BABAM2: variants seen among roughly 807,000 people sequenced by gnomAD.
BABAM2 encodes BRISC and BRCA1 A complex member 2.
In BABAM2, 31 loss-of-function variants were observed where a neutral mutation model predicts 54.7. The ratio of observed to expected loss-of-function variants is 0.57; its 90% CI spans 0.43 to 0.77. The LOEUF is 0.77. BABAM2 is among the 30% of genes least tolerant of loss of function. The pLI, the probability that BABAM2 is intolerant of heterozygous loss-of-function variation, is 0.00. For missense variants in BABAM2, 364 were observed against 455.8 expected (o/e 0.80, Z 1.83); for synonymous variants, 167 against 162.9 (o/e 1.03, Z -0.19).
At chr2:28,016,545 G>A (rs1342569105) in intron 4 of BABAM2, 5 of 652,326 alleles carry the variant, frequency 7.7e-6, no homozygotes, top group Admixed American at 2.3e-5. Flanking sequence ...TGGCCGAAGC[G>A]GGCCCGCCGC....
At chr2:28,122,305 T>G (rs1669144542) in intron 6 of BABAM2, among the ~76,000 whole-genome samples, 1 of 152,048 alleles carries the variant, frequency 6.6e-6, no homozygotes, top group Non-Finnish European at 1.5e-5. Context: ...CTTAATACCA[T>G]TTTAAAATGG....
rs1683684395 is a variant in BABAM2, at chr2:28,253,455, T to C, written c.934+8593T>C. Among the ~76,000 whole-genome samples, 3 of 151,894 alleles carry C rather than the reference T, an allele frequency of 2.0e-5. No homozygotes were observed. The South Asian group carries it at 6.2e-4, about 32-fold the overall frequency. On this transcript the variant is annotated intron_variant, in intron 10 of 11. Coordinates refer to ENST00000379624, the MANE Select transcript of BABAM2 (RefSeq NM_199191.3). ...ACCATGCTCTAGACACTGTTCTCAG[T>C]ACTTTGCATATGTTATGTTATTTAA...
At chr2:27,950,086 G>T (rs1573242710) in intron 3 of BABAM2, among the ~76,000 whole-genome samples, 1 of 152,094 alleles carries the variant, frequency 6.6e-6, no homozygotes, top group African/African-American at 2.4e-5. Context: ...AGCAGGAGAC[G>T]GATGTTTTTC....
chr2:28,151,780 A>G (rs923894555), intron 7 of BABAM2, among the ~76,000 whole-genome samples: 10 of 152,210 alleles, frequency 6.6e-5, no homozygotes, highest in African/African-American at 1.9e-4. Flanking sequence ...TTTGCTACCT[A>G]TCTACCTCTG....
At chr2:28,062,575 CAAA>C (rs200543877) in intron 6 of BABAM2, among the ~76,000 whole-genome samples, 7 of 135,012 alleles carry the variant, frequency 5.2e-5, no homozygotes, top group African/African-American at 1.9e-4. Flanking sequence ...AAAAAAAAAC[CAAA>C]AAAAAAAAAA....
At chr2:28,176,863 A>C (rs895010285) in intron 7 of BABAM2, among the ~76,000 whole-genome samples, 18 of 150,740 alleles carry the variant, frequency 1.2e-4, no homozygotes, top group Non-Finnish European at 2.7e-4. Context: ...AAAAAGAAGA[A>C]GGAGAAGAAA....
At chr2:28,021,667 T>G (rs1675279093) in intron 4 of BABAM2, among the ~76,000 whole-genome samples, 1 of 152,194 alleles carries the variant, frequency 6.6e-6, no homozygotes, top group Non-Finnish European at 1.5e-5. Flanking sequence ...AATTTTGTAG[T>G]AAGAAGTTTT....
intron 6 of BABAM2, among the ~76,000 whole-genome samples, chr2:28,080,238 A>G (rs957753996): frequency 2.0e-5 from 3 of 152,202 alleles, no homozygotes; most frequent in Non-Finnish European, 4.4e-5. Flanking sequence ...CTTTAATTTC[A>G]AAAGTGAACT....
chr2:28,161,756 T>C (rs2147814176), intron 7 of BABAM2, among the ~76,000 whole-genome samples: 1 of 152,286 alleles, frequency 6.6e-6, no homozygotes, highest in South Asian at 2.1e-4. Flanking sequence ...CAAAAAGTCT[T>C]GCACAGCAGT....
intron 5 of BABAM2, among the ~76,000 whole-genome samples, chr2:28,042,987 G>A (rs531702857): frequency 6.6e-6 from 1 of 151,814 alleles, no homozygotes; most frequent in East Asian, 2.0e-4. Context: ...TCGCGCCACT[G>A]CACTCCAGCC....
At chr2:28,265,345 T>A (rs1684889779) in intron 10 of BABAM2, among the ~76,000 whole-genome samples, 1 of 152,164 alleles carries the variant, frequency 6.6e-6, no homozygotes, top group African/African-American at 2.4e-5. Context: ...GAGAATCACT[T>A]GAACACGGGA....
At chr2:27,926,001 T>A (rs968064552) in intron 2 of BABAM2, among the ~76,000 whole-genome samples, 1 of 152,084 alleles carries the variant, frequency 6.6e-6, no homozygotes, top group African/African-American at 2.4e-5. Flanking sequence ...GGTGATACCA[T>A]CTACAAATGC....
chr2:27,971,166 C>G (rs1167186695), intron 3 of BABAM2, among the ~76,000 whole-genome samples: 1 of 152,038 alleles, frequency 6.6e-6, no homozygotes, highest in African/African-American at 2.4e-5. Flanking sequence ...GTATCCTGTT[C>G]TGAAAAACAT....
chr2:28,055,486 C>T (rs1038174289), intron 6 of BABAM2, among the ~76,000 whole-genome samples: 1 of 152,150 alleles, frequency 6.6e-6, no homozygotes, highest in African/African-American at 2.4e-5. Context: ...TTTTTCCTCT[C>T]TTCTGATTTC....
intron 5 of BABAM2, among the ~76,000 whole-genome samples, chr2:28,029,096 T>C (rs1676110449): frequency 6.6e-6 from 1 of 152,162 alleles, no homozygotes; most frequent in Admixed American, 6.5e-5. Context: ...GGTTATGATT[T>C]TAAGGTTTTA....
At chr2:28,124,052 G>A (rs1669294424) in intron 6 of BABAM2, among the ~76,000 whole-genome samples, 1 of 152,170 alleles carries the variant, frequency 6.6e-6, no homozygotes, top group East Asian at 1.9e-4. Context: ...GTGGCCCCTG[G>A]TTCTTTGCAG....
chr2:28,254,186 A>G (rs1034564404), intron 10 of BABAM2, among the ~76,000 whole-genome samples: 4 of 152,132 alleles, frequency 2.6e-5, no homozygotes, highest in Non-Finnish European at 5.9e-5. Flanking sequence ...ACTCCTTTCT[A>G]TCCTCTTCAT....
rs142636680 is a variant in BABAM2 at position 28,161,509 on chromosome 2, A to G, written c.680+32129A>G. Among the ~76,000 whole-genome samples, 1,311 of 152,272 alleles carry G rather than the reference A, an allele frequency of 8.6e-3. 19 individuals are homozygous for G. Among genetic ancestry groups the G allele is most frequent in the African/African-American group, 0.03 (1,251 of 41,558 alleles). ...TTTTCAGAGTCTCTGGTTTGGCTCAAACTCCCAAAGTGTCTCAAAGACCCT... is the reference window on the plus strand; with the variant it reads ...TTTTCAGAGTCTCTGGTTTGGCTCAGACTCCCAAAGTGTCTCAAAGACCCT... On this transcript the variant is annotated intron_variant, in intron 7 of 11. Coordinates refer to ENST00000379624, the MANE Select transcript of BABAM2 (RefSeq NM_199191.3).
chr2:27,988,719 A>G (rs1197949637), intron 4 of BABAM2, among the ~76,000 whole-genome samples: 1 of 152,202 alleles, frequency 6.6e-6, no homozygotes, highest in Non-Finnish European at 1.5e-5. Flanking sequence ...ACTTACTAAA[A>G]AAGTTGTGTG....
Sources: gnomAD v4.1 joint callset for allele counts (sites outside exome capture counted in the v4.1 genomes callset) on GRCh38, gnomAD v4.1.1 for gene constraint, MANE v1.5 for transcripts, NCBI Gene and HGNC (gene_info 2026-07-23, HGNC 2026-07-21) for gene names.